NRCAM: variants seen among roughly 807,000 people sequenced by gnomAD.
NRCAM encodes NgCAM-related cell adhesion molecule.
NRCAM carries 83 observed loss-of-function variants against 156.5 expected under a neutral mutation model. The ratio of observed to expected loss-of-function variants is 0.53; its 90% confidence interval spans 0.44 to 0.64. NRCAM has a LOEUF of 0.64. Ranked by LOEUF, NRCAM falls within the 30% of genes least tolerant of loss-of-function variation. The pLI is 0.00. For synonymous variants in NRCAM, 538 were observed against 563.9 expected, an observed-to-expected ratio of 0.95 and a Z score of 0.65; for missense variants, 1,417 against 1,597.3, an observed-to-expected ratio of 0.89 and a Z score of 1.92.
chr7:108,215,116 T>C (rs1027210533), intron 11 of NRCAM, among the ~76,000 whole-genome samples: 1 of 152,188 alleles, frequency 6.6e-6, no homozygotes, highest in Non-Finnish European at 1.5e-5. Flanking sequence ...CAGGTCTGCT[T>C]GGTCCAGAGC....
At chr7:108,217,812 T>C (rs900027246) in intron 11 of NRCAM, among the ~76,000 whole-genome samples, 1 of 152,186 alleles carries the variant, frequency 6.6e-6, no homozygotes, top group Non-Finnish European at 1.5e-5. Flanking sequence ...ACTGCAGTGT[T>C]GGCAGCCAGA....
chr7:108,298,643 A>C (rs1469763144), intron 3 of NRCAM, among the ~76,000 whole-genome samples: 2 of 150,532 alleles, frequency 1.3e-5, no homozygotes, highest in South Asian at 4.3e-4. Context: ...ACACAGCGAG[A>C]CTCCATCTCA....
intron 1 of NRCAM, among the ~76,000 whole-genome samples, chr7:108,408,160 G>GATTCATAATA (rs1416360824): frequency 6.6e-6 from 1 of 152,078 alleles, no homozygotes; most frequent in African/African-American, 2.4e-5. Context: ...TTCCTTTAAT[G>GATTCATAATA]ATTCATAATA....
At position 108,184,632 on chromosome 7, in the gene NRCAM, A is replaced by G; in HGVS notation, c.2036-18T>C. 1 of 1,606,190 alleles carries G rather than the reference A, an allele frequency of 6.2e-7. No individual in the cohort carries two copies. The highest frequency in any genetic ancestry group is 8.5e-7 in the Non-Finnish European group (1 of 1,175,928). Reference sequence around the variant, plus strand: ...GATGAATTCTGGTCACGACACACACACACCAAACCCAAGACCGTGAATTCA... The same window carrying G: ...GATGAATTCTGGTCACGACACACACGCACCAAACCCAAGACCGTGAATTCA... On this transcript the variant is annotated intron_variant, in intron 20 of 32. Coordinates refer to ENST00000379028, the MANE Select transcript of NRCAM (RefSeq NM_001037132.4).
intron 7 of NRCAM, among the ~76,000 whole-genome samples, chr7:108,232,098 T>C (rs1287941264): frequency 6.6e-6 from 1 of 151,916 alleles, no homozygotes; most frequent in Non-Finnish European, 1.5e-5. Flanking sequence ...TTAACCCCAA[T>C]GTCTTACACA....
intron 31 of NRCAM, 47 bp downstream of exon 31, chr7:108,160,314 G>A: frequency 6.5e-7 from 1 of 1,545,294 alleles, no homozygotes; most frequent in Non-Finnish European, 8.9e-7. Flanking sequence ...TTAGTTTAAT[G>A]GATTATTATG....
intron 2 of NRCAM, among the ~76,000 whole-genome samples, chr7:108,376,575 G>T (rs1270700185): frequency 6.6e-6 from 1 of 152,140 alleles, no homozygotes; most frequent in Non-Finnish European, 1.5e-5. Flanking sequence ...AAACCTGGCA[G>T]CCTGAGTCTA....
intron 3 of NRCAM, among the ~76,000 whole-genome samples, chr7:108,258,141 A>T (rs905091080): frequency 6.6e-6 from 1 of 152,162 alleles, no homozygotes; most frequent in African/African-American, 2.4e-5. Context: ...GTGTGCTCTG[A>T]TGGAAATTCT....
chr7:108,277,268 T>G (rs1314284156), intron 3 of NRCAM, among the ~76,000 whole-genome samples: 1 of 152,174 alleles, frequency 6.6e-6, no homozygotes, highest in Non-Finnish European at 1.5e-5. Flanking sequence ...TTTCCTGAAT[T>G]TGAATGTTGG....
chr7:108,401,367 T>C (rs146952022), intron 1 of NRCAM, among the ~76,000 whole-genome samples: 8 of 152,048 alleles, frequency 5.3e-5, no homozygotes, highest in Admixed American at 2.6e-4. Context: ...ATGAAGAAAC[T>C]GTCTCTACAA....
At chr7:108,231,269 C>CATTAATTACATTAATG (rs1207703748) in intron 7 of NRCAM, 116 bp from the exon 8 acceptor site, 6 of 647,420 alleles carry the variant, frequency 9.3e-6, no homozygotes, top group African/African-American at 7.7e-5. Context: ...TTTATGTACA[C>CATTAATTACATTAATG]TAAATTAATG....
intron 3 of NRCAM, among the ~76,000 whole-genome samples, chr7:108,264,070 C>A (rs1190866056): frequency 1.3e-5 from 2 of 152,108 alleles, no homozygotes; most frequent in African/African-American, 4.8e-5. Flanking sequence ...CTCTGTCTCC[C>A]GAGTTCAAGC....
intron 2 of NRCAM, among the ~76,000 whole-genome samples, chr7:108,365,350 T>C (rs1397149219): frequency 6.6e-6 from 1 of 152,154 alleles, no homozygotes; most frequent in African/African-American, 2.4e-5. Context: ...GTATTTCTCA[T>C]CAAAGTGTCC....
intron 2 of NRCAM, among the ~76,000 whole-genome samples, chr7:108,368,224 A>ACCCCCCCCCCCCCCCCCCCCCCCCCCC (rs67897117): frequency 1.4e-4 from 13 of 91,048 alleles, no homozygotes; most frequent in Non-Finnish European, 2.0e-4. Context: ...ACACTTTCAT[A>ACCCCCCCCCCCCCCCCCCCCCCCCCCC]CCCCCCCCCA....
chr7:108,155,081 A>G (rs959936547), intron 32 of NRCAM, among the ~76,000 whole-genome samples: 1 of 123,774 alleles, frequency 8.1e-6, no homozygotes, highest in Middle Eastern at 4.0e-3. Flanking sequence ...AAGATGATTT[A>G]AAAGTCATAT....
intron 2 of NRCAM, among the ~76,000 whole-genome samples, chr7:108,394,770 T>C (rs964998717): frequency 6.6e-5 from 10 of 152,228 alleles, no homozygotes; most frequent in Admixed American, 2.0e-4. Flanking sequence ...AATAGAACCC[T>C]GTTAGTAGTT....
intron 26 of NRCAM, among the ~76,000 whole-genome samples, chr7:108,177,218 T>C (rs1399746853): frequency 6.6e-6 from 1 of 152,178 alleles, no homozygotes; most frequent in Non-Finnish European, 1.5e-5. Context: ...ACACCACATG[T>C]TCTCACTCAT....
rs7802430 is a variant in NRCAM, at chr7:108,189,599, C to T, written c.2035+46G>A. ...GCTGACTGTTACAAAGTGCTTCAAA[C>T]ATGGCCATTTAGTTGATCGGAAATA... On this transcript the variant is annotated intron_variant, in intron 20 of 32. Coordinates refer to ENST00000379028, the MANE Select transcript of NRCAM (RefSeq NM_001037132.4). 2,603 of 804,988 alleles carry T rather than the reference C, an allele frequency of 3.2e-3. 45 individuals are homozygous for T. In the African/African-American group the frequency reaches 0.035, roughly 11 times the overall value. 49.9% of individuals were successfully genotyped at this position (804,988 alleles called of 1,614,324 possible).
In NRCAM at chr7:108,148,553, A is replaced by G. The variant is rs959721903; in HGVS notation, c.*1357T>C. On this transcript the variant is annotated 3_prime_UTR_variant, in exon 33 of 33. Coordinates refer to ENST00000379028, the MANE Select transcript of NRCAM (RefSeq NM_001037132.4). ...TGTTTATGAATACGATAGAATATAT[A>G]TTTACTTTTTAAACTGCAGATGTAA... The G allele has an allele frequency of 2.6e-5, 4 of 152,646 alleles. No homozygotes were observed. The highest frequency in any genetic ancestry group is 9.6e-5 in the African/African-American group (4 of 41,460). The allele number at this position is 152,646 out of a possible 1,614,324, so 9.5% of individuals were successfully genotyped here.
Sources: gnomAD v4.1 joint callset for allele counts (sites outside exome capture counted in the v4.1 genomes callset) on GRCh38, gnomAD v4.1.1 for gene constraint, MANE v1.5 for transcripts, NCBI Gene and HGNC (gene_info 2026-07-23, HGNC 2026-07-21) for gene names.